SCRIB: variants seen among roughly 807,000 people sequenced by gnomAD.
The protein encoded by SCRIB is scribble planar cell polarity protein, also known as protein scribble homolog.
A neutral mutation model predicts 170.0 loss-of-function variants in SCRIB; 72 were observed. The ratio of observed to expected loss-of-function variants is 0.42; its 90% CI spans 0.35 to 0.52. The LOEUF is 0.52. Ranked by LOEUF, SCRIB falls within the 20% of genes least tolerant of loss-of-function variation. SCRIB has a pLI of 0.02. For missense variants in SCRIB, 2,475 were observed against 2,338.5 expected, an observed-to-expected ratio of 1.06 and a Z score of -1.20; for synonymous variants, 1,298 against 1,044.3, an observed-to-expected ratio of 1.24 and a Z score of -4.68.
Position 143,792,751 on chromosome 8 carries a change from G to A in SCRIB, c.4134C>T (p.Ser1378=), listed in dbSNP as rs781787845. 4 of 1,591,720 alleles carry A rather than the reference G, an allele frequency of 2.5e-6. No individual in the cohort carries two copies. The highest frequency in any genetic ancestry group is 3.4e-5 in the Admixed American group (2 of 58,126). The change falls in exon 30 of 37, where the codon TCC becomes TCT. Residue 1378 remains serine, a synonymous_variant. Coordinates refer to ENST00000356994, the MANE Select transcript of SCRIB (RefSeq NM_182706.5). ...PQAEGPPKRV[S]LVGADDLRKM... ...TCCGCAGGTCGTCAGCACCCACCAG[G>A]GACACGCGCTTAGGGGGGCCCTCGG...
intron 27 of SCRIB, 108 bp from the exon 28 acceptor site, chr8:143,794,070 T>C: frequency 1.0e-6 from 1 of 995,480 alleles, no homozygotes; most frequent in Non-Finnish European, 1.5e-6. Context: ...AGCTCTTCAG[T>C]TCCCCAACCT....
At chr8:143,808,459 T>A in intron 15 of SCRIB, 150 bp downstream of exon 15, 2 of 912,810 alleles carry the variant, frequency 2.2e-6, no homozygotes, top group Non-Finnish European at 3.1e-6. Context: ...AGAGTGGCCG[T>A]GATGCCGACT....
At chr8:143,803,606 G>C (rs375213010) in intron 23 of SCRIB, 35 bp from the exon 24 acceptor site, 18 of 1,570,856 alleles carry the variant, frequency 1.1e-5, no homozygotes, top group Middle Eastern at 2.0e-4. Flanking sequence ...AGACCTGTTG[G>C]GGGGTGGGGC....
At position 143,810,971 on chromosome 8, in the gene SCRIB, T is replaced by C. The variant is rs1272742683; in HGVS notation, c.1208A>G (p.Asp403Gly). Reference sequence around the variant, plus strand: ...GAGCACCTTCTCGCCGGTCCGGGCATCATCCTCCGTCTGGAACCGGAGCAT... The same window carrying C: ...GAGCACCTTCTCGCCGGTCCGGGCACCATCCTCCGTCTGGAACCGGAGCAT... ...QPMLRFQTED[D>G]ARTGEKVLTC... is the part of the protein sequence containing the mutation. Residue 403 changes from aspartate (D) to glycine (G), a missense_variant, in exon 11 of 37, where the codon GAT becomes GGT. This residue lies in a region of SCRIB where 487 missense variants were observed against 558.1 expected (regional missense o/e 0.87). Transcript: ENST00000356994. The C allele has an allele frequency of 6.2e-7, 1 of 1,611,744 alleles. No homozygotes were observed. The highest frequency in any genetic ancestry group is 1.1e-5 in the South Asian group (1 of 90,932).
rs561195382 is a variant in SCRIB at position 143,812,014 on chromosome 8, G to A, written c.906+252C>T. ...GCCTCTTCTGTAACCGCTCCCCAGTGTTACAACATACAGCGATAAACACGA... is the reference window on the plus strand; with the variant it reads ...GCCTCTTCTGTAACCGCTCCCCAGTATTACAACATACAGCGATAAACACGA... On this transcript the variant is annotated intron_variant, in intron 9 of 36. Coordinates refer to ENST00000356994, the MANE Select transcript of SCRIB (RefSeq NM_182706.5). 1.5e-3 allele frequency among the ~76,000 whole-genome samples: 225 copies of A among 152,304 alleles called. 1 individual carries two copies. Among genetic ancestry groups the A allele is most frequent in the Admixed American group, 2.5e-3 (38 of 15,304 alleles).
rs1815562088 is a variant in SCRIB at position 143,808,829 on chromosome 8, A to C, written c.1895T>G (p.Met632Arg). 2 of 1,611,734 alleles carry C rather than the reference A, an allele frequency of 1.2e-6. No individual in the cohort carries two copies. The highest frequency in any genetic ancestry group is 1.3e-5 in the African/African-American group (1 of 75,038). ...CACAGGGCCCTCCCCATCAGGCTGC[A>C]TGCCCTGCAGCAGAGCCACAACGGC... ...PEAVVALLQGMQPDGEGPVAP... is the reference protein window; with the variant it reads ...PEAVVALLQGRQPDGEGPVAP... The change falls in exon 15 of 37, where the codon ATG (methionine) becomes AGG (arginine). Residue 632 changes from methionine (M) to arginine (R), a missense_variant. Around this residue, in one of 3 missense-constraint regions of SCRIB, gnomAD observed 1,966 missense variants for 1,742.9 expected, o/e 1.13. Coordinates refer to ENST00000356994, the MANE Select transcript of SCRIB (RefSeq NM_182706.5).
intron 24 of SCRIB, 57 bp downstream of exon 24, chr8:143,803,326 C>CT: frequency 6.9e-7 from 1 of 1,459,690 alleles, no homozygotes. Flanking sequence ...GTCAGCGGCT[C>CT]ACAACACCTT....
intron 24 of SCRIB, 122 bp downstream of exon 24, chr8:143,803,261 C>T (rs1165155979): frequency 2.1e-6 from 2 of 956,688 alleles, no homozygotes; most frequent in African/African-American, 3.3e-5. Flanking sequence ...TGCAGAGCCG[C>T]AGAGCACCGC....
rs1554635983 is a variant in SCRIB at position 143,804,804 on chromosome 8, C to T, written c.2773G>A (p.Glu925Lys). ...VLSINGVDVTEARHDHAVSLL... is the reference protein window; with the variant it reads ...VLSINGVDVTKARHDHAVSLL... ...GAGACGGCGTGGTCATGCCTGGCCT[C>T]AGTCACGTCCACTCCATTAATCTGT... Residue 925 changes from glutamate to lysine, a missense_variant, in exon 21 of 37, where the codon GAG (glutamate) becomes AAG (lysine). Around this residue, in one of 3 missense-constraint regions of SCRIB, gnomAD observed 1,966 missense variants for 1,742.9 expected, o/e 1.13. Transcript: ENST00000356994. The T allele has an allele frequency of 1.9e-6, 3 of 1,593,540 alleles. No homozygotes were observed. The highest frequency in any genetic ancestry group is 2.6e-6 in the Non-Finnish European group (3 of 1,174,836).
rs781197008 is a variant in SCRIB at position 143,813,350 on chromosome 8, C to T, written c.528G>A (p.Leu176=). 1 of 1,613,652 alleles carries T rather than the reference C, an allele frequency of 6.2e-7. No homozygotes were observed. The highest frequency in any genetic ancestry group is 1.1e-5 in the South Asian group (1 of 91,086). ...CGTTGCCTCCCAGATCCAGCTGTTC[C>T]AGCTTGACCAGAAATGACAGGGACC... ...LPASLSFLVK[L]EQLDLGGNDL... is the part of the protein sequence containing the mutation. The change falls in exon 6 of 37, where the codon CTG becomes CTA. Residue 176 remains leucine, a synonymous_variant. Transcript: ENST00000356994.
intron 1 of SCRIB, 182 bp downstream of exon 1, chr8:143,815,032 C>T: frequency 1.5e-6 from 1 of 649,892 alleles, no homozygotes; most frequent in South Asian, 2.5e-5. Context: ...ATGACCGCTG[C>T]CACCTGCGCC....
chr8:143,794,236 C>G, intron 27 of SCRIB: 1 of 464,466 alleles, frequency 2.2e-6, no homozygotes, highest in East Asian at 3.2e-5. Context: ...ACAGGACAGC[C>G]GGAGAAGAGA....
Position 143,809,665 on chromosome 8 carries a change from G to A in SCRIB, c.1584C>T (p.Ala528=). The part of the protein sequence containing the change: ...SGLSEDSRPS[A]STVSEAEPEG... ...CGGGCTCAGCCTCAGAGACTGTGCT[G>A]GCAGATGGGCGAGAGTCTTCACTCA... The change falls in exon 14 of 37, where the codon GCC becomes GCT. Residue 528 remains alanine (A), a synonymous_variant. Coordinates refer to ENST00000356994, the MANE Select transcript of SCRIB (RefSeq NM_182706.5). 1 of 1,611,188 alleles carries A rather than the reference G, an allele frequency of 6.2e-7. No homozygotes were observed. The highest frequency in any genetic ancestry group is 8.5e-7 in the Non-Finnish European group (1 of 1,179,912).
At chr8:143,804,479 G>A (rs1424801860) in intron 21 of SCRIB, 89 bp downstream of exon 21, 1 of 1,356,636 alleles carries the variant, frequency 7.4e-7, no homozygotes, top group East Asian at 2.6e-5. Flanking sequence ...CCTGGAGTGG[G>A]CCGCAAGGCC....
intron 14 of SCRIB, 63 bp downstream of exon 14, chr8:143,809,488 C>A (rs558734090): frequency 5.2e-6 from 8 of 1,551,162 alleles, no homozygotes; most frequent in Non-Finnish European, 7.0e-6. Flanking sequence ...GCTGAGGCCC[C>A]GCAGGGGAGG....
rs1554635773 is a variant in SCRIB, at chr8:143,804,141, T to C, written c.3025A>G (p.Arg1009Gly). The change falls in exon 22 of 37, where the codon AGA (arginine) becomes GGA (glycine). Residue 1009 changes from arginine to glycine, a missense_variant. By Grantham distance (125) the Arg-to-Gly change is moderately radical. Coordinates refer to ENST00000356994, the MANE Select transcript of SCRIB (RefSeq NM_182706.5). ...PYPVEEIRLPRAGGPLGLSIV... is the reference protein window; with the variant it reads ...PYPVEEIRLPGAGGPLGLSIV... ...CTAAGCCCCAGAGGGCCCCCAGCTC[T>C]TGGCAGACGGATCTCCTGGGGATTT... 2 of 1,610,124 alleles carry C rather than the reference T, an allele frequency of 1.2e-6. No homozygotes were observed. Among genetic ancestry groups the C allele is most frequent in the Non-Finnish European group, 1.7e-6 (2 of 1,177,984 alleles).
Position 143,792,516 on chromosome 8 carries a change from G to A in SCRIB, c.4297C>T (p.Pro1433Ser), listed in dbSNP as rs781793313. ...LGEEEQEDEQPPWASPSPTSR... is the reference protein window; with the variant it reads ...LGEEEQEDEQSPWASPSPTSR... Reference sequence around the variant, plus strand: ...GTGGGGCTCGGGCTGGCCCAGGGTGGCTGCTCATCCTCCTGTTCCTCCTCG... The same window carrying A: ...GTGGGGCTCGGGCTGGCCCAGGGTGACTGCTCATCCTCCTGTTCCTCCTCG... The change falls in exon 31 of 37, where the codon CCA becomes TCA. Residue 1433 changes from proline (P) to serine (S), a missense_variant. Coordinates refer to ENST00000356994, the MANE Select transcript of SCRIB (RefSeq NM_182706.5). The A allele has an allele frequency of 9.6e-6, 15 of 1,554,828 alleles. No homozygotes were observed. Among genetic ancestry groups the A allele is most frequent in the Middle Eastern group, 3.3e-4 (2 of 5,980 alleles).
At position 143,806,473 on chromosome 8, in the gene SCRIB, G is replaced by C. The variant is rs1554636613; in HGVS notation, c.2280C>G (p.Ile760Met). 1 of 1,597,830 alleles carries C rather than the reference G, an allele frequency of 6.3e-7. No individual in the cohort carries two copies. Reference sequence around the variant, plus strand: ...CAGGGCCTTCCTCGGACACCCGAGAGATGAATATGCCCTAGGGCACAGACA... The same window carrying C: ...CAGGGCCTTCCTCGGACACCCGAGACATGAATATGCCCTAGGGCACAGACA... ...PYKGDDEGIF[I>M]SRVSEEGPAA... Residue 760 changes from isoleucine (I) to methionine (M), a missense_variant, in exon 18 of 37, where the codon ATC (isoleucine) becomes ATG (methionine). By Grantham distance (10) the Ile-to-Met change is conservative (BLOSUM62 1). Around this residue, in one of 3 missense-constraint regions of SCRIB, gnomAD observed 1,966 missense variants for 1,742.9 expected, o/e 1.13. Coordinates refer to ENST00000356994, the MANE Select transcript of SCRIB (RefSeq NM_182706.5).
intron 27 of SCRIB, 34 bp from the exon 28 acceptor site, chr8:143,793,996 G>C (rs1814828835): frequency 1.9e-6 from 3 of 1,604,394 alleles, no homozygotes; most frequent in Admixed American, 1.7e-5. Flanking sequence ...GGTGAGGATG[G>C]GCAGGGCTGT....
Sources: gnomAD v4.1 joint callset for allele counts (sites outside exome capture counted in the v4.1 genomes callset) on GRCh38, gnomAD v4.1.1 for gene constraint, gnomAD v4.1.1 regional missense constraint, MANE v1.5 for transcripts, NCBI Gene and HGNC (gene_info 2026-07-23, HGNC 2026-07-21) for gene names.